ZNF521: variants seen among roughly 807,000 people sequenced by gnomAD.
ZNF521 encodes the protein zinc finger protein 521.
A neutral mutation model predicts 105.5 loss-of-function variants in ZNF521; 14 were observed. The ratio of observed to expected loss-of-function variants is 0.13; its 90% CI spans 0.09 to 0.21. ZNF521 has a LOEUF of 0.21. ZNF521 is among the 10% of genes least tolerant of loss of function. The pLI, the probability that ZNF521 is intolerant of heterozygous loss-of-function variation, is 1.00. For synonymous variants in ZNF521, 635 were observed against 606.0 expected, an observed-to-expected ratio of 1.05 and a Z score of -0.70; for missense variants, 1,233 against 1,629.7, an observed-to-expected ratio of 0.76 and a Z score of 4.19.
chr18:25,349,183 C>A (rs750415570), intron 2 of ZNF521, among the ~76,000 whole-genome samples: 8 of 152,124 alleles, frequency 5.3e-5, no homozygotes, highest in Non-Finnish European at 1.0e-4. Flanking sequence ...TTCTTCTTTC[C>A]AAGTGACTAG....
At chr18:25,334,727 G>A (rs1913775983) in intron 2 of ZNF521, among the ~76,000 whole-genome samples, 1 of 152,164 alleles carries the variant, frequency 6.6e-6, no homozygotes, top group Admixed American at 6.5e-5. Context: ...TACACAAAAA[G>A]GCAAAGCAGC....
intron 3 of ZNF521, among the ~76,000 whole-genome samples, chr18:25,235,437 T>C (rs1906822413): frequency 1.3e-5 from 2 of 152,182 alleles, no homozygotes; most frequent in South Asian, 4.1e-4. Context: ...ATGGCTTCGT[T>C]AGGGAATGAC....
At chr18:25,085,834 A>G (rs368612476) in intron 7 of ZNF521, among the ~76,000 whole-genome samples, 2 of 152,064 alleles carry the variant, frequency 1.3e-5, no homozygotes, top group East Asian at 1.9e-4. Context: ...AAACCAAAAG[A>G]AATGTAAATT....
chr18:25,072,355 C>T (rs35318552), intron 7 of ZNF521, among the ~76,000 whole-genome samples: 2 of 152,180 alleles, frequency 1.3e-5, no homozygotes, highest in Non-Finnish European at 1.5e-5. Flanking sequence ...TCTGCTGTGA[C>T]GTCATACGTG....
At chr18:25,301,028 T>C (rs368075117) in intron 3 of ZNF521, among the ~76,000 whole-genome samples, 1 of 152,244 alleles carries the variant, frequency 6.6e-6, no homozygotes, top group Non-Finnish European at 1.5e-5. Context: ...GTTTTTTATT[T>C]TGAAAGCATC....
In ZNF521 at chr18:25,233,500, T is replaced by C. The variant is rs181074600; in HGVS notation, c.221-5803A>G. Among the ~76,000 whole-genome samples, 241 of 152,290 alleles carry C rather than the reference T, an allele frequency of 1.6e-3. 1 individual carries two copies. Among genetic ancestry groups the C allele is most frequent in the African/African-American group, 5.6e-3 (233 of 41,568 alleles). On this transcript the variant is annotated intron_variant, in intron 3 of 7. Transcript: ENST00000361524. ...GATGCTTTTAAATTCTGTAATATTT[T>C]GAACTGTTCTAGAAGGACCAATTAA...
intron 2 of ZNF521, among the ~76,000 whole-genome samples, chr18:25,324,260 T>A (rs1449710678): frequency 6.6e-6 from 1 of 152,092 alleles, no homozygotes; most frequent in Non-Finnish European, 1.5e-5. Context: ...TTACCAGTAT[T>A]TTTTCTGTAA....
intron 3 of ZNF521, among the ~76,000 whole-genome samples, chr18:25,304,600 G>A (rs181069876): frequency 5.9e-5 from 9 of 152,156 alleles, no homozygotes; most frequent in Admixed American, 3.3e-4. Flanking sequence ...ATTTGACCTC[G>A]GGGTCTTTTT....
chr18:25,261,823 G>A (rs568644583), intron 3 of ZNF521, among the ~76,000 whole-genome samples: 1 of 152,144 alleles, frequency 6.6e-6, no homozygotes, highest in South Asian at 2.1e-4. Context: ...ATATATTTAA[G>A]CAATGCCCAG....
intron 3 of ZNF521, chr18:25,302,050 T>C (rs1275607938): frequency 6.6e-6 from 1 of 152,136 alleles, no homozygotes; most frequent in Non-Finnish European, 1.5e-5. Context: ...TCAATTTCCC[T>C]TTTATAGAAA....
At chr18:25,074,809 G>A (rs2033320789) in intron 7 of ZNF521, among the ~76,000 whole-genome samples, 1 of 152,048 alleles carries the variant, frequency 6.6e-6, no homozygotes, top group Non-Finnish European at 1.5e-5. Flanking sequence ...CTAGGTCTCT[G>A]TGGGACAGTT....
intron 7 of ZNF521, among the ~76,000 whole-genome samples, chr18:25,088,374 C>T (rs1356669821): frequency 2.0e-5 from 3 of 151,892 alleles, no homozygotes; most frequent in South Asian, 2.1e-4. Flanking sequence ...CGCCACTGTG[C>T]CTGGCTAATT....
chr18:25,117,032 T>C (rs77174573), intron 5 of ZNF521, among the ~76,000 whole-genome samples: 66,113 of 131,784 alleles, frequency 0.5, 15,966 homozygotes, highest in South Asian at 0.66. Flanking sequence ...TATATATACA[T>C]ACACACACAC....
At chr18:25,206,710 T>C (rs2036087360) in intron 4 of ZNF521, among the ~76,000 whole-genome samples, 1 of 152,202 alleles carries the variant, frequency 6.6e-6, no homozygotes, top group Non-Finnish European at 1.5e-5. Context: ...ATTCTTATTC[T>C]GGGTTTGCAT....
chr18:25,248,748 G>T (rs920028385), intron 3 of ZNF521, among the ~76,000 whole-genome samples: 1 of 152,120 alleles, frequency 6.6e-6, no homozygotes, highest in Non-Finnish European at 1.5e-5. Flanking sequence ...GTCAGACAGG[G>T]ATACAACTAC....
At chr18:25,229,158 C>A (rs756843081) in intron 3 of ZNF521, among the ~76,000 whole-genome samples, 4 of 152,186 alleles carry the variant, frequency 2.6e-5, no homozygotes, top group Non-Finnish European at 5.9e-5. Flanking sequence ...ATTATGTAAA[C>A]GAATTCCATG....
rs1905957922 is a variant in ZNF521 at position 25,224,471 on chromosome 18, A to G, written c.3447T>C (p.Ser1149=). 2 of 1,613,876 alleles carry G rather than the reference A, an allele frequency of 1.2e-6. No individual in the cohort carries two copies. The highest frequency in any genetic ancestry group is 1.7e-5 in the Admixed American group (1 of 59,988). ...GGATGTGGTTCTGGAGTTCACTTTC[A>G]GACTCAAACTTAACGTTGCAGCTAG... ...RCSSCNVKFE[S]ESELQNHIQT... is the part of the protein sequence containing the mutation. The change falls in exon 4 of 8, where the codon TCT becomes TCC. Residue 1149 remains serine, a synonymous_variant. Transcript: ENST00000361524.
At chr18:25,271,707 C>T (rs950186278) in intron 3 of ZNF521, among the ~76,000 whole-genome samples, 3 of 152,130 alleles carry the variant, frequency 2.0e-5, no homozygotes, top group Admixed American at 6.5e-5. Context: ...GGAAAATTGG[C>T]TAGCCATATG....
intron 4 of ZNF521, among the ~76,000 whole-genome samples, chr18:25,208,772 T>C (rs2036126562): frequency 6.6e-6 from 1 of 152,204 alleles, no homozygotes; most frequent in African/African-American, 2.4e-5. Context: ...AGTTCATTCA[T>C]TCATTTATTC....
Sources: gnomAD v4.1 joint callset for allele counts (sites outside exome capture counted in the v4.1 genomes callset) on GRCh38, gnomAD v4.1.1 for gene constraint, MANE v1.5 for transcripts, NCBI Gene and HGNC (gene_info 2026-07-23, HGNC 2026-07-21) for gene names.